Variants in BCO1 observed in about 807,000 individuals in gnomAD.
BCO1 encodes the protein beta-carotene oxygenase 1.
A neutral mutation model predicts 56.3 loss-of-function variants in BCO1; 54 were observed. That is an observed-to-expected ratio of 0.96 (90% confidence interval 0.77 to 1.20). BCO1 has a LOEUF of 1.20. BCO1 is among the 50% of genes most tolerant of loss of function. The pLI is 0.00. For missense variants in BCO1, 801 were observed against 690.9 expected, an observed-to-expected ratio of 1.16 and a Z score of -1.79; for synonymous variants, 318 against 266.1, an observed-to-expected ratio of 1.20 and a Z score of -1.90.
chr16:81,249,815 G>A (rs1412144760), intron 2 of BCO1, among the ~76,000 whole-genome samples: 3 of 152,182 alleles, frequency 2.0e-5, no homozygotes, highest in African/African-American at 7.2e-5. Context: ...GCGTCTGAGG[G>A]TTCATGCCCC....
At position 81,270,312 on chromosome 16, in the gene BCO1, C is replaced by G. The variant is rs1413149969; in HGVS notation, c.997C>G (p.Gln333Glu). Residue 333 changes from glutamine to glutamate, a missense_variant, in exon 7 of 11, where the codon CAG becomes GAG. Transcript: ENST00000258168. ...TGCCTACGAGGACAACAGCCTCTAC[C>G]AGCTCTTCTACCTGGCCAACCTGAA... ...VIAYEDNSLY[Q>E]LFYLANLNQD... is the part of the protein sequence containing the mutation. The G allele has an allele frequency of 1.9e-6, 3 of 1,614,008 alleles. No homozygotes were observed. The Admixed American group carries it at 5.0e-5, about 27-fold the overall frequency.
chr16:81,242,789 C>A lies in BCO1; in HGVS notation c.65-2686C>A, dbSNP rs536351025. Among the ~76,000 whole-genome samples, 7 of 152,216 alleles carry A rather than the reference C, an allele frequency of 4.6e-5. No individual in the cohort carries two copies. The South Asian group carries it at 1.2e-3, about 27-fold the overall frequency. ...TACCAGTCTGTAGCCTGTTAGGAAC[C>A]GGGCCGCACAGCATTACGGCCCGAG... On this transcript the variant is annotated intron_variant, in intron 1 of 10. Transcript: ENST00000258168.
At chr16:81,262,836 CA>C (rs1157316912) in intron 4 of BCO1, 170 of 112,820 alleles carry the variant, frequency 1.5e-3, no homozygotes, top group East Asian at 4.4e-3. Context: ...CAAACAAAAA[CA>C]AAAAAAAAAA....
At chr16:81,250,578 C>CTTTTTTTTTTTTTT (rs530676028) in intron 2 of BCO1, among the ~76,000 whole-genome samples, 30 of 105,488 alleles carry the variant, frequency 2.8e-4, no homozygotes, top group African/African-American at 5.7e-4. Flanking sequence ...CTCAATAAAG[C>CTTTTTTTTTTTTTT]TTTTTTTTTT....
intron 8 of BCO1, among the ~76,000 whole-genome samples, chr16:81,284,820 T>C (rs1054788308): frequency 4.7e-5 from 7 of 148,656 alleles, no homozygotes; most frequent in Non-Finnish European, 1.0e-4. Context: ...TTTTGTTTTG[T>C]TTTCTTTTCT....
At chr16:81,265,851 T>C (rs1402015627) in intron 5 of BCO1, among the ~76,000 whole-genome samples, 1 of 117,252 alleles carries the variant, frequency 8.5e-6, no homozygotes, top group African/African-American at 3.4e-5. Context: ...CCACCATCTA[T>C]ACACCCACCA....
In BCO1 at chr16:81,270,398, G is replaced by A. The variant is rs762743518; in HGVS notation, c.1083G>A (p.Val361=). Reference sequence around the variant, plus strand: ...TCCCCACCCTCAGGAGGTTTGCCGTGCCCCTCCACGTGGACAAGGTAATGG... The same window carrying A: ...TCCCCACCCTCAGGAGGTTTGCCGTACCCCTCCACGTGGACAAGGTAATGG... ...TSVPTLRRFA[V]PLHVDKNAEV... is the part of the protein sequence containing the mutation. Residue 361 remains valine (V), a synonymous_variant, in exon 7 of 11, where the codon GTG becomes GTA. Coordinates refer to ENST00000258168, the MANE Select transcript of BCO1 (RefSeq NM_017429.3). 3.7e-6 allele frequency: 6 copies of A among 1,613,876 alleles called. No individual in the cohort carries two copies. The Admixed American group carries it at 1.0e-4, about 27-fold the overall frequency.
intron 2 of BCO1, among the ~76,000 whole-genome samples, chr16:81,253,196 C>T (rs190893637): frequency 5.0e-4 from 76 of 152,126 alleles, no homozygotes; most frequent in African/African-American, 1.7e-3. Context: ...GACTGAGGCT[C>T]GATGAGATTA....
At chr16:81,262,585 T>A in intron 4 of BCO1, 1 of 375,404 alleles carries the variant, frequency 2.7e-6, no homozygotes, top group South Asian at 2.1e-5. Flanking sequence ...TCCAGCACTT[T>A]GGGAGGTCAA....
chr16:81,254,231 C>T (rs1181156350), intron 2 of BCO1, among the ~76,000 whole-genome samples: 4 of 151,338 alleles, frequency 2.6e-5, no homozygotes, highest in Admixed American at 1.3e-4. Context: ...TGGGTTCAAG[C>T]AATTCTCCTG....
Position 81,259,691 on chromosome 16 carries a change from G to A in BCO1, c.209G>A (p.Arg70Lys). Reference protein sequence around the residue: ...FTIRDGEVYYRSKYLRSDTYN... With the variant: ...FTIRDGEVYYKSKYLRSDTYN... ...TCTCTTGCAGGTGAAGTCTATTACA[G>A]GAGCAAATACCTGAGAAGCGATACC... is the stretch of plus-strand genomic sequence containing the variant. The change falls in exon 3 of 11, where the codon AGG becomes AAG. Residue 70 changes from arginine to lysine, a missense_variant. Arg to Lys is a conservative substitution (Grantham distance 26). Transcript: ENST00000258168. The A allele has an allele frequency of 6.2e-7, 1 of 1,614,164 alleles. No homozygotes were observed. The highest frequency in any genetic ancestry group is 8.5e-7 in the Non-Finnish European group (1 of 1,180,026).
intron 10 of BCO1, among the ~76,000 whole-genome samples, chr16:81,288,408 GC>G (rs1908301376): frequency 6.6e-6 from 1 of 152,104 alleles, no homozygotes; most frequent in Non-Finnish European, 1.5e-5. Context: ...AGCTACAGGG[GC>G]ACACCACCAT....
At chr16:81,283,743 T>G (rs182919164) in intron 8 of BCO1, among the ~76,000 whole-genome samples, 35 of 152,130 alleles carry the variant, frequency 2.3e-4, no homozygotes, top group African/African-American at 8.2e-4. Context: ...CATTTATCCA[T>G]GGATGTATCT....
intron 2 of BCO1, among the ~76,000 whole-genome samples, chr16:81,258,829 G>C (rs1474337082): frequency 6.6e-6 from 1 of 152,202 alleles, no homozygotes; most frequent in Non-Finnish European, 1.5e-5. Flanking sequence ...GGTTCTGCAG[G>C]CTGTACAGGA....
At position 81,287,295 on chromosome 16, in the gene BCO1, A is replaced by T. The variant is rs760969522; in HGVS notation, c.1303A>T (p.Ile435Leu). 4 of 1,605,860 alleles carry T rather than the reference A, an allele frequency of 2.5e-6. No individual in the cohort carries two copies. Among genetic ancestry groups the T allele is most frequent in the Non-Finnish European group, 3.4e-6 (4 of 1,172,474 alleles). Residue 435 changes from isoleucine to leucine, a missense_variant and splice_region_variant, in exon 10 of 11, where the codon ATA becomes TTA. Coordinates refer to ENST00000258168, the MANE Select transcript of BCO1 (RefSeq NM_017429.3). The part of the protein sequence containing the change: ...GVQWSPIPTK[I>L]IKYDILTKSS... ...GTGTTTTTCCTCGTTGGATGTACAGATAATAAAATATGACATTCTCACAAA... is the reference window on the plus strand; with the variant it reads ...GTGTTTTTCCTCGTTGGATGTACAGTTAATAAAATATGACATTCTCACAAA...
At chr16:81,243,729 A>G (rs1905242126) in intron 1 of BCO1, among the ~76,000 whole-genome samples, 2 of 152,054 alleles carry the variant, frequency 1.3e-5, no homozygotes, top group Admixed American at 1.3e-4. Context: ...TCACCTCCCA[A>G]AGTGCTGGGA....
At chr16:81,279,583 C>A (rs1228879961) in intron 7 of BCO1, among the ~76,000 whole-genome samples, 3 of 152,060 alleles carry the variant, frequency 2.0e-5, no homozygotes, top group African/African-American at 7.3e-5. Context: ...TCAGTCTGCA[C>A]AATAACTCAA....
intron 10 of BCO1, 36 bp from the exon 11 acceptor site, chr16:81,290,312 A>C: frequency 1.3e-6 from 2 of 1,545,940 alleles, no homozygotes; most frequent in Non-Finnish European, 1.8e-6. Flanking sequence ...TGAAGCCTGC[A>C]CTTTTACGAA....
intron 2 of BCO1, among the ~76,000 whole-genome samples, chr16:81,250,730 G>C (rs1206191084): frequency 6.6e-6 from 1 of 152,002 alleles, no homozygotes; most frequent in African/African-American, 2.4e-5. Context: ...ACAGGCATGA[G>C]CCACCATGCC....
Sources: allele counts gnomAD v4.1 joint callset (sites outside exome capture counted in the v4.1 genomes callset), GRCh38; gene constraint gnomAD v4.1.1; transcripts MANE v1.5; gene names NCBI Gene and HGNC (gene_info 2026-07-23, HGNC 2026-07-21).